PACRG: variants seen among roughly 807,000 people sequenced by gnomAD.
PACRG encodes parkin coregulated.
PACRG carries 29 observed loss-of-function variants against 29.7 expected under a neutral mutation model. The observed-to-expected ratio is 0.98, with a 90% CI of 0.73 to 1.33. The LOEUF is 1.33. PACRG is among the 40% of genes most tolerant of loss of function. The pLI is 0.00. For missense variants in PACRG, 279 were observed against 316.2 expected, an observed-to-expected ratio of 0.88 and a Z score of 0.89; for synonymous variants, 116 against 118.7, an observed-to-expected ratio of 0.98 and a Z score of 0.15.
intron 1 of PACRG, among the ~76,000 whole-genome samples, chr6:162,735,121 A>G (rs1780065875): frequency 6.6e-6 from 1 of 152,180 alleles, no homozygotes; most frequent in Admixed American, 6.5e-5. Flanking sequence ...TGGATATACC[A>G]TAATTTATTT....
chr6:163,076,010 A>G (rs969871554), intron 3 of PACRG, among the ~76,000 whole-genome samples: 1 of 152,198 alleles, frequency 6.6e-6, no homozygotes, highest in African/African-American at 2.4e-5. Context: ...TTTCACTTCT[A>G]TTCACTATTC....
chr6:163,036,870 A>G (rs1808240581), intron 2 of PACRG, among the ~76,000 whole-genome samples: 2 of 57,570 alleles, frequency 3.5e-5, no homozygotes, highest in Non-Finnish European at 6.3e-5. Context: ...CCATCCATCC[A>G]TCCATCCATC....
At chr6:163,181,604 C>CA (rs544633309) in intron 4 of PACRG, among the ~76,000 whole-genome samples, 4,143 of 65,088 alleles carry the variant, frequency 0.064, 356 homozygotes, top group South Asian at 0.11. Context: ...CTTGAGGTGG[C>CA]AAAAAAAAAA....
At position 162,728,017 on chromosome 6, in the gene PACRG, C is replaced by G. The variant is rs749605613; in HGVS notation, c.-219C>G. ...TTACCTTTGGAAGCTTGTTGCAGCT[C>G]TAGCCAAGGTCCTGCCCTCTTCCCG... On this transcript the variant is annotated 5_prime_UTR_variant, in exon 1 of 5. Coordinates refer to ENST00000366888, the MANE Select transcript of PACRG (RefSeq NM_001080379.2). 3.2e-5 allele frequency: 21 copies of G among 656,420 alleles called. No individual in the cohort carries two copies. Among genetic ancestry groups the G allele is most frequent in the Non-Finnish European group, 4.8e-5 (18 of 375,962 alleles). The allele number at this position is 656,420 out of a possible 1,614,324, so 40.7% of individuals were successfully genotyped here.
chr6:162,827,370 G>A (rs1296587405), intron 2 of PACRG, among the ~76,000 whole-genome samples: 1 of 152,162 alleles, frequency 6.6e-6, no homozygotes, highest in Non-Finnish European at 1.5e-5. Context: ...TTCATTTCAT[G>A]AGAAAGAAAT....
chr6:163,016,109 A>C (rs1045050126), intron 2 of PACRG: 1 of 152,198 alleles, frequency 6.6e-6, no homozygotes, highest in African/African-American at 2.4e-5. Context: ...GAAGGTCTGG[A>C]GACAAGACGA....
chr6:162,777,252 C>T lies in PACRG; in HGVS notation c.157-36895C>T, dbSNP rs1159450006. On this transcript the variant is annotated intron_variant, in intron 1 of 4. Coordinates refer to ENST00000366888, the MANE Select transcript of PACRG (RefSeq NM_001080379.2). This position sits in a 1 kb window ranked among gnomAD's most constrained non-coding sequence, Gnocchi z 4.0. ...GCCGGCTGTGTGACGTTGTTTTTCT[C>T]CACTTCGGGACATGCAGTTGGCCAT... Among the ~76,000 whole-genome samples the T allele has an allele frequency of 2.0e-5, 3 of 152,190 alleles. No individual in the cohort carries two copies. The highest frequency in any genetic ancestry group is 7.2e-5 in the African/African-American group (3 of 41,452).
intron 4 of PACRG, among the ~76,000 whole-genome samples, chr6:163,238,073 C>A (rs921734598): frequency 6.6e-6 from 1 of 152,016 alleles, no homozygotes; most frequent in South Asian, 2.1e-4. Context: ...GTTGCCAAAC[C>A]CTTTTAGTAA....
rs557862870 is a variant in PACRG at position 163,311,014 on chromosome 6, C to T, written c.614-3813C>T. 1.4e-4 allele frequency: 21 copies of T among 152,260 alleles called. 1 individual carries two copies. Among genetic ancestry groups the T allele is most frequent in the African/African-American group, 4.8e-4 (20 of 41,552 alleles). The allele number at this position is 152,260 out of a possible 1,614,324, so 9.4% of individuals were successfully genotyped here. Reference sequence around the variant, plus strand: ...GGAAAGAGAAAGCATCCCATGGGGACAGTTTAAGGAGGTTTAGATAGAAAA... The same window carrying T: ...GGAAAGAGAAAGCATCCCATGGGGATAGTTTAAGGAGGTTTAGATAGAAAA... On this transcript the variant is annotated intron_variant, in intron 4 of 4. Coordinates refer to ENST00000366888, the MANE Select transcript of PACRG (RefSeq NM_001080379.2).
At chr6:162,864,154 T>C (rs1185375464) in intron 2 of PACRG, among the ~76,000 whole-genome samples, 2 of 152,206 alleles carry the variant, frequency 1.3e-5, no homozygotes, top group African/African-American at 4.8e-5. Context: ...CTCTGAATTG[T>C]GTGGTGTGTT....
At chr6:163,220,493 C>T (rs978194139) in intron 4 of PACRG, among the ~76,000 whole-genome samples, 2 of 152,122 alleles carry the variant, frequency 1.3e-5, no homozygotes, top group Non-Finnish European at 2.9e-5. Context: ...GAGCCAGGCT[C>T]TAAGGCGGAG....
chr6:163,083,533 G>T (rs898934750), intron 3 of PACRG, among the ~76,000 whole-genome samples: 1 of 152,138 alleles, frequency 6.6e-6, no homozygotes, highest in Non-Finnish European at 1.5e-5. Flanking sequence ...TGTGTCAGGG[G>T]CGTGTCCTCA....
chr6:162,984,627 TC>T (rs1205968484), intron 2 of PACRG, among the ~76,000 whole-genome samples: 1 of 152,066 alleles, frequency 6.6e-6, no homozygotes, highest in Non-Finnish European at 1.5e-5. Context: ...TAGTTTACAT[TC>T]CCATCAACAG....
At chr6:162,974,586 C>T (rs1801791942) in intron 2 of PACRG, among the ~76,000 whole-genome samples, 1 of 151,962 alleles carries the variant, frequency 6.6e-6, no homozygotes, top group African/African-American at 2.4e-5. Context: ...AATAGGTTCC[C>T]CAAATAAAAA....
chr6:163,278,180 G>A lies in PACRG; in HGVS notation c.614-36647G>A, dbSNP rs184483403. Among the ~76,000 whole-genome samples the A allele has an allele frequency of 4.7e-3, 720 of 152,014 alleles. 2 individuals are homozygous for A. The highest frequency in any genetic ancestry group is 0.017 in the African/African-American group (690 of 41,470). On this transcript the variant is annotated intron_variant, in intron 4 of 4. Coordinates refer to ENST00000366888, the MANE Select transcript of PACRG (RefSeq NM_001080379.2). ...ATATCCTTAGCCCACTTTTTGATGG[G>A]ATTGCTTGATTTTCTCTTTCTGATT...
At position 162,842,224 on chromosome 6, in the gene PACRG, G is replaced by A. The variant is rs1382581634; in HGVS notation, c.291+27943G>A. On this transcript the variant is annotated intron_variant, in intron 2 of 4. Coordinates refer to ENST00000366888, the MANE Select transcript of PACRG (RefSeq NM_001080379.2). ...TAAAGTCTCCCATTATTAATGTGTG[G>A]GAGTCTAAGTCTCTTTGTAGGTCAC... is the stretch of plus-strand genomic sequence containing the variant. Among the ~76,000 whole-genome samples, 1,036 of 145,328 alleles carry A rather than the reference G, an allele frequency of 7.1e-3. 10 individuals are homozygous for A. Among genetic ancestry groups the A allele is most frequent in the African/African-American group, 0.025 (980 of 38,886 alleles).
chr6:162,815,399 T>G (rs2128364722), intron 2 of PACRG, among the ~76,000 whole-genome samples: 1 of 150,406 alleles, frequency 6.6e-6, no homozygotes, highest in South Asian at 2.1e-4. Flanking sequence ...GATTATTGCA[T>G]TATATCTAGT....
intron 2 of PACRG, among the ~76,000 whole-genome samples, chr6:162,887,963 G>A (rs1159324452): frequency 6.6e-6 from 1 of 152,108 alleles, no homozygotes; most frequent in African/African-American, 2.4e-5. Flanking sequence ...TTCTGGGGGT[G>A]GTAAGTCCAA....
chr6:163,129,516 T>C (rs1416705584), intron 4 of PACRG, among the ~76,000 whole-genome samples: 1 of 152,216 alleles, frequency 6.6e-6, no homozygotes, highest in African/African-American at 2.4e-5. Flanking sequence ...TGTCATCCAC[T>C]CTAGACAGTG....
Sources: allele counts gnomAD v4.1 joint callset (sites outside exome capture counted in the v4.1 genomes callset), GRCh38; gene constraint gnomAD v4.1.1; non-coding constraint Gnocchi (gnomAD v3.1); transcripts MANE v1.5; gene names NCBI Gene and HGNC (gene_info 2026-07-23, HGNC 2026-07-21).